The following NUGGC variants were observed in gnomAD, a reference collection of about 807,000 sequenced individuals.
The protein encoded by NUGGC is nuclear GTPase SLIP-GC.
NUGGC carries 58 observed loss-of-function variants against 92.6 expected under a neutral mutation model. The ratio of observed to expected loss-of-function variants is 0.63; its 90% CI spans 0.51 to 0.78. The LOEUF is 0.78. Ranked by LOEUF, NUGGC falls within the 30% of genes least tolerant of loss-of-function variation. The pLI, the probability that NUGGC is intolerant of heterozygous loss-of-function variation, is 0.00. For synonymous variants in NUGGC, 376 were observed against 366.4 expected (o/e 1.03, Z -0.30); for missense variants, 925 against 964.6 (o/e 0.96, Z 0.54).
At chr8:28,057,612 T>C (rs2130194712) in intron 9 of NUGGC, among the ~76,000 whole-genome samples, 1 of 152,302 alleles carries the variant, frequency 6.6e-6, no homozygotes, top group South Asian at 2.1e-4. Flanking sequence ...GTGCTGGGAT[T>C]ACAGGCATGA....
intron 17 of NUGGC, among the ~76,000 whole-genome samples, chr8:28,028,516 G>A (rs1487205278): frequency 5.9e-5 from 9 of 152,222 alleles, no homozygotes; most frequent in Admixed American, 5.9e-4. Context: ...GAGGGCTTGG[G>A]AGACAGGATC....
chr8:28,056,169 C>T, intron 9 of NUGGC, 115 bp from the exon 10 acceptor site: 1 of 634,594 alleles, frequency 1.6e-6, no homozygotes, highest in South Asian at 1.9e-5. Context: ...GTCAAATATG[C>T]ATGCACTGTA....
chr8:28,065,152 C>CTTTTT (rs5890398), intron 6 of NUGGC, among the ~76,000 whole-genome samples: 3 of 79,884 alleles, frequency 3.8e-5, no homozygotes, highest in African/African-American at 5.2e-5. Flanking sequence ...GAAATTGGAT[C>CTTTTT]TTTTTTTTTT....
In NUGGC at chr8:28,067,500, G is replaced by T. The variant is rs187433219; in HGVS notation, c.711+14C>A. ...CCCAGGATGAAATCAAGGAAAAAAC[G>T]AACTTGACGCTACCTCTTCCGCCTT... is the stretch of plus-strand genomic sequence containing the variant. On this transcript the variant is annotated intron_variant, in intron 6 of 18. Coordinates refer to ENST00000413272, the MANE Select transcript of NUGGC (RefSeq NM_001010906.2). The T allele has an allele frequency of 1.3e-6, 2 of 1,566,896 alleles. No individual in the cohort carries two copies. The highest frequency in any genetic ancestry group is 1.2e-5 in the South Asian group (1 of 86,392).
chr8:28,023,152 C>T lies in NUGGC; in HGVS notation c.*165G>A, dbSNP rs558154099. 3.0e-5 allele frequency: 20 copies of T among 659,422 alleles called. No homozygotes were observed. The highest frequency in any genetic ancestry group is 1.4e-4 in the South Asian group (6 of 43,606). 40.8% of individuals were successfully genotyped at this position (659,422 alleles called of 1,614,324 possible). ...GCTCTGGAGGCTGAGGCTGGAGGATCGCTTGAGCCTAGGAGTTCGAGGCTG... is the reference window on the plus strand; with the variant it reads ...GCTCTGGAGGCTGAGGCTGGAGGATTGCTTGAGCCTAGGAGTTCGAGGCTG... On this transcript the variant is annotated 3_prime_UTR_variant, in exon 19 of 19. Coordinates refer to ENST00000413272, the MANE Select transcript of NUGGC (RefSeq NM_001010906.2).
At chr8:28,025,437 A>G (rs1585547882) in intron 18 of NUGGC, among the ~76,000 whole-genome samples, 1 of 152,318 alleles carries the variant, frequency 6.6e-6, no homozygotes, top group African/African-American at 2.4e-5. Context: ...AAGTTCAGAG[A>G]CAGAGTGGTT....
At position 28,031,247 on chromosome 8, in the gene NUGGC, T is replaced by C; in HGVS notation, c.1904A>G (p.Gln635Arg). ...YDSCKKNFLIQEISAILGGLE... is the reference protein window; with the variant it reads ...YDSCKKNFLIREISAILGGLE... ...CTCACTTTATAAGGAACGTACCTCC[T>C]GGATCAGGAAATTTTTTTTGCAGCT... is the stretch of plus-strand genomic sequence containing the variant. The change falls in exon 15 of 19, where the codon CAG becomes CGG. Residue 635 changes from glutamine (Q) to arginine (R), a missense_variant. Coordinates refer to ENST00000413272, the MANE Select transcript of NUGGC (RefSeq NM_001010906.2). The C allele has an allele frequency of 1.9e-6, 3 of 1,614,052 alleles. No individual in the cohort carries two copies. The highest frequency in any genetic ancestry group is 1.7e-6 in the Non-Finnish European group (2 of 1,179,884).
intron 9 of NUGGC, among the ~76,000 whole-genome samples, chr8:28,056,459 CAG>C (rs1810141687): frequency 6.8e-6 from 1 of 146,554 alleles, no homozygotes; most frequent in Admixed American, 6.9e-5. Context: ...GCCTGGGCGA[CAG>C]AGTGAGACTG....
At chr8:28,048,647 AG>A (rs1261958869) in intron 10 of NUGGC, among the ~76,000 whole-genome samples, 1 of 152,080 alleles carries the variant, frequency 6.6e-6, no homozygotes, top group Admixed American at 6.6e-5. Flanking sequence ...GCGGATCACA[AG>A]GTCAGGAGTT....
intron 12 of NUGGC, 133 bp from the exon 13 acceptor site, chr8:28,041,348 TC>T: frequency 1.2e-6 from 1 of 864,468 alleles, no homozygotes; most frequent in Non-Finnish European, 1.8e-6. Flanking sequence ...CTCTTTATTG[TC>T]CCCATAAGAC....
rs766270961 is a variant in NUGGC at position 28,064,614 on chromosome 8, G to C, written c.829C>G (p.Pro277Ala). The stretch of plus-strand genomic sequence containing the variant: ...CCTTCTGGGATCAGGTCGGATTTGG[G>C]AAGTGTCACTTCCACATGTTTGATC... ...PLIKHVEVTL[P>A]KSDLIPEGVV... Residue 277 changes from proline (P) to alanine (A), a missense_variant, in exon 7 of 19, where the codon CCC becomes GCC. Transcript: ENST00000413272. 1 of 1,614,024 alleles carries C rather than the reference G, an allele frequency of 6.2e-7. No individual in the cohort carries two copies. Among genetic ancestry groups the C allele is most frequent in the Non-Finnish European group, 8.5e-7 (1 of 1,179,886 alleles).
chr8:28,040,353 G>C (rs953402972), intron 13 of NUGGC, among the ~76,000 whole-genome samples: 6 of 152,174 alleles, frequency 3.9e-5, no homozygotes, highest in African/African-American at 1.4e-4. Flanking sequence ...TAAGCTCATT[G>C]ATACTGATAT....
At chr8:28,045,802 A>G (rs943735356) in intron 11 of NUGGC, 142 bp from the exon 12 acceptor site, 19 of 766,736 alleles carry the variant, frequency 2.5e-5, no homozygotes, top group Non-Finnish European at 4.0e-5. Context: ...TACAGAACCA[A>G]CCTTTCTGAA....
intron 8 of NUGGC, among the ~76,000 whole-genome samples, chr8:28,059,225 C>T (rs886898080): frequency 5.9e-5 from 9 of 152,080 alleles, no homozygotes; most frequent in Admixed American, 1.3e-4. Context: ...GGAGGTGAGA[C>T]GCATCCGTGA....
intron 12 of NUGGC, among the ~76,000 whole-genome samples, chr8:28,044,050 C>A (rs1809765693): frequency 6.6e-6 from 1 of 152,144 alleles, no homozygotes; most frequent in African/African-American, 2.4e-5. Context: ...AGACTTTTTA[C>A]AAGCATTTAT....
chr8:28,044,778 T>C (rs1302183794), intron 12 of NUGGC, among the ~76,000 whole-genome samples: 1 of 152,188 alleles, frequency 6.6e-6, no homozygotes, highest in Non-Finnish European at 1.5e-5. Context: ...CTGCAGGTTG[T>C]GGTCAGAGAT....
chr8:28,073,861 C>T (rs751391046), intron 2 of NUGGC, among the ~76,000 whole-genome samples: 2 of 152,104 alleles, frequency 1.3e-5, no homozygotes, highest in Non-Finnish European at 2.9e-5. Flanking sequence ...AGCAGTGGCA[C>T]AATCTTGGCT....
intron 12 of NUGGC, among the ~76,000 whole-genome samples, chr8:28,042,008 C>A (rs1264376949): frequency 1.3e-5 from 2 of 152,136 alleles, no homozygotes; most frequent in Non-Finnish European, 2.9e-5. Flanking sequence ...TGGCTTTCCC[C>A]ATACTGTTCT....
At chr8:28,030,223 C>T (rs1456824722) in intron 16 of NUGGC, 87 bp downstream of exon 16, 4 of 736,016 alleles carry the variant, frequency 5.4e-6, no homozygotes, top group African/African-American at 3.5e-5. Context: ...GAGAACAGGG[C>T]CTTTGAGGGA....
Sources: allele counts gnomAD v4.1 joint callset (sites outside exome capture counted in the v4.1 genomes callset), GRCh38; gene constraint gnomAD v4.1.1; transcripts MANE v1.5; gene names NCBI Gene and HGNC (gene_info 2026-07-23, HGNC 2026-07-21).